The following PAF1 variants were observed in gnomAD, a reference collection of about 807,000 sequenced individuals.
The protein encoded by PAF1 is RNA polymerase II-associated factor 1 homolog.
A neutral mutation model predicts 68.4 loss-of-function variants in PAF1; 31 were observed. That is an observed-to-expected ratio of 0.45 (90% CI 0.34 to 0.61). The LOEUF is 0.61. Ranked by LOEUF, PAF1 falls within the 20% of genes least tolerant of loss-of-function variation. PAF1 has a pLI of 0.01. For missense variants in PAF1, 435 were observed against 692.9 expected (o/e 0.63, Z 4.18); for synonymous variants, 256 against 240.5 (o/e 1.06, Z -0.60).
Position 39,389,043 on chromosome 19 carries a change from G to T in PAF1, c.568-28C>A. On this transcript the variant is annotated intron_variant, in intron 7 of 13. Transcript: ENST00000221265. This position sits in a 1 kb window ranked among gnomAD's most constrained non-coding sequence, Gnocchi z 5.3. Reference sequence around the variant, plus strand: ...GGTGGAACAAAAACAAGGTGAGGAGGAGCTCTGCAGCCGCACCCTTGCCTC... The same window carrying T: ...GGTGGAACAAAAACAAGGTGAGGAGTAGCTCTGCAGCCGCACCCTTGCCTC... 1 of 1,613,370 alleles carries T rather than the reference G, an allele frequency of 6.2e-7. No homozygotes were observed.
In PAF1 at chr19:39,385,859, A is replaced by C; in HGVS notation, c.*132T>G. ...AGGGGCTGGGAGGGGAAGTAAAGAG[A>C]AGTTGACTTTATTAACAGCAAAGGT... On this transcript the variant is annotated 3_prime_UTR_variant, in exon 14 of 14. Transcript: ENST00000221265. 7.5e-7 allele frequency: 1 copy of C among 1,339,226 alleles called. No homozygotes were observed. Among genetic ancestry groups the C allele is most frequent in the Non-Finnish European group, 1.0e-6 (1 of 991,798 alleles). 83.0% of individuals were successfully genotyped at this position (1,339,226 alleles called of 1,614,324 possible).
chr19:39,390,419 G>A, intron 1 of PAF1, 130 bp from the exon 2 acceptor site: 1 of 842,006 alleles, frequency 1.2e-6, no homozygotes, highest in East Asian at 2.7e-5. Context: ...GTGGTGTGGG[G>A]AGTGTCCAAA....
In PAF1 at chr19:39,390,294, T is replaced by G. The variant is rs753327303; in HGVS notation, c.48-5A>C. 1 of 1,610,514 alleles carries G rather than the reference T, an allele frequency of 6.2e-7. No homozygotes were observed. The highest frequency in any genetic ancestry group is 8.5e-7 in the Non-Finnish European group (1 of 1,178,328). ...AGAGTCCGGTGGGAATTGGGCCTAG[T>G]GGAGAAGAAAGAAACAGTGATAGGT... On this transcript the variant is annotated splice_region_variant and splice_polypyrimidine_tract_variant and intron_variant, in intron 1 of 13. Coordinates refer to ENST00000221265, the MANE Select transcript of PAF1 (RefSeq NM_019088.4).
chr19:39,390,877 A>G lies in PAF1; in HGVS notation c.-13T>C. ...TGGTGGGCGCCATAGCGACGAGGCGACGGCAGCCCGGACGGGGTCCTAGCG... is the reference window on the plus strand; with the variant it reads ...TGGTGGGCGCCATAGCGACGAGGCGGCGGCAGCCCGGACGGGGTCCTAGCG... On this transcript the variant is annotated 5_prime_UTR_variant, in exon 1 of 14. Coordinates refer to ENST00000221265, the MANE Select transcript of PAF1 (RefSeq NM_019088.4). 1 of 1,576,372 alleles carries G rather than the reference A, an allele frequency of 6.3e-7. No homozygotes were observed. The highest frequency in any genetic ancestry group is 8.6e-7 in the Non-Finnish European group (1 of 1,160,816).
At chr19:39,387,806 C>T (rs867351535) in intron 11 of PAF1, among the ~76,000 whole-genome samples, 1 of 152,182 alleles carries the variant, frequency 6.6e-6, no homozygotes, top group Non-Finnish European at 1.5e-5. Flanking sequence ...GGAAACTTGG[C>T]CCTCTGCCTT....
Position 39,386,613 on chromosome 19 carries a change from CTGCTGGGTTTTT to C in PAF1, c.1093-53_1093-42del, listed in dbSNP as rs774038758. Reference sequence around the variant, plus strand: ...TTGGAATGAGGGGAAGGAGGGTGTTCTGCTGGGTTTTTGTCCCCCTCCTCACCTACAACCACC... The same window carrying C: ...TTGGAATGAGGGGAAGGAGGGTGTTCGTCCCCCTCCTCACCTACAACCACC... On this transcript the variant is annotated intron_variant, in intron 12 of 13. Coordinates refer to ENST00000221265, the MANE Select transcript of PAF1 (RefSeq NM_019088.4). This position sits in a 1 kb window ranked among gnomAD's most constrained non-coding sequence, Gnocchi z 6.1. The C allele has an allele frequency of 3.7e-6, 6 of 1,609,890 alleles. No homozygotes were observed.
At position 39,386,133 on chromosome 19, in the gene PAF1, C is replaced by T. The variant is rs1296207151; in HGVS notation, c.1454G>A (p.Gly485Asp). The change falls in exon 14 of 14, where the codon GGC becomes GAC. Residue 485 changes from glycine (G) to aspartate (D), a missense_variant. Physicochemically the swap from Gly to Asp is moderately conservative, Grantham distance 94 (BLOSUM62 -1). Coordinates refer to ENST00000221265, the MANE Select transcript of PAF1 (RefSeq NM_019088.4). This position sits in a 1 kb window ranked among gnomAD's most constrained non-coding sequence, Gnocchi z 6.1. ...GCTCCGCTGGCCACCCCCATTGCTGCCGCTGTCTGAATCATTGTCACTGCC... is the reference window on the plus strand; with the variant it reads ...GCTCCGCTGGCCACCCCCATTGCTGTCGCTGTCTGAATCATTGTCACTGCC... ...QGGSDNDSDS[G>D]SNGGGQRSRS... is the part of the protein sequence containing the mutation. 15 of 1,614,014 alleles carry T rather than the reference C, an allele frequency of 9.3e-6. No homozygotes were observed. Among genetic ancestry groups the T allele is most frequent in the East Asian group, 2.2e-5 (1 of 44,900 alleles).
rs1410991435 is a variant in PAF1, at chr19:39,385,680, AAAAC to A, written c.*307_*310del. ...GTCTGGGCTTATTTTGGAAAAAAAAAAAACAAACAAAAAAAACGAATTCTGACCT... is the reference window on the plus strand; with the variant it reads ...GTCTGGGCTTATTTTGGAAAAAAAAAAAACAAAAAAAACGAATTCTGACCT... On this transcript the variant is annotated 3_prime_UTR_variant, in exon 14 of 14. Coordinates refer to ENST00000221265, the MANE Select transcript of PAF1 (RefSeq NM_019088.4). 105 of 537,774 alleles carry A rather than the reference AAAAC, an allele frequency of 2.0e-4. No homozygotes were observed. Among genetic ancestry groups the A allele is most frequent in the East Asian group, 1.5e-3 (52 of 33,778 alleles). The allele number at this position is 537,774 out of a possible 1,614,324, so 33.3% of individuals were successfully genotyped here.
rs745975047 is a variant in PAF1 at position 39,386,620 on chromosome 19, G to A, written c.1093-48C>T. On this transcript the variant is annotated intron_variant, in intron 12 of 13. Transcript: ENST00000221265. The surrounding 1 kb of genome is among the most constrained non-coding windows in gnomAD (Gnocchi z 6.1). Reference sequence around the variant, plus strand: ...GAGGGGAAGGAGGGTGTTCTGCTGGGTTTTTGTCCCCCTCCTCACCTACAA... The same window carrying A: ...GAGGGGAAGGAGGGTGTTCTGCTGGATTTTTGTCCCCCTCCTCACCTACAA... The A allele has an allele frequency of 2.4e-5, 38 of 1,608,292 alleles. No homozygotes were observed. The highest frequency in any genetic ancestry group is 8.3e-5 in the Admixed American group (5 of 59,964).
Position 39,389,099 on chromosome 19 carries a change from C to G in PAF1, c.561G>C (p.Gln187His). Residue 187 changes from glutamine (Q) to histidine (H), a missense_variant, in exon 7 of 14, where the codon CAG becomes CAC. This residue lies in a region of PAF1 where 151 missense variants were observed against 306.3 expected (regional missense o/e 0.49). Transcript: ENST00000221265. The surrounding 1 kb of genome is among the most constrained non-coding windows in gnomAD (Gnocchi z 5.3). Reference protein sequence around the residue: ...TAIEKTFEDAQKSISQHYSKP... With the variant: ...TAIEKTFEDAHKSISQHYSKP... ...ATCCCAGTCCCTCAATTACTGATTT[C>G]TGGGCATCCTCAAAAGTCTTCTCAA... 1 of 1,613,910 alleles carries G rather than the reference C, an allele frequency of 6.2e-7. No homozygotes were observed. The highest frequency in any genetic ancestry group is 8.5e-7 in the Non-Finnish European group (1 of 1,179,770).
rs1444643142 is a variant in PAF1, at chr19:39,388,556, G to A, written c.857+4C>T. On this transcript the variant is annotated splice_donor_region_variant and intron_variant, in intron 10 of 13. Transcript: ENST00000221265. ...TCCCCAAAACTTAACCGCAACCCAC[G>A]CACACATCATCTGGTGCATAGTCCA... The A allele has an allele frequency of 3.1e-6, 5 of 1,613,206 alleles. No homozygotes were observed. Among genetic ancestry groups the A allele is most frequent in the African/African-American group, 1.3e-5 (1 of 74,832 alleles).
rs1568376186 is a variant in PAF1, at chr19:39,390,977, G to T, written c.-113C>A. 4 of 1,088,836 alleles carry T rather than the reference G, an allele frequency of 3.7e-6. No homozygotes were observed. Among genetic ancestry groups the T allele is most frequent in the Non-Finnish European group, 5.2e-6 (4 of 764,296 alleles). 67.4% of individuals were successfully genotyped at this position (1,088,836 alleles called of 1,614,324 possible). ...TCCGAGGAAGGCCCAGCTTGGCGCC[G>T]CTCCCCGCGGAAAGTGGGTTGAGAT... On this transcript the variant is annotated 5_prime_UTR_variant, in exon 1 of 14. Coordinates refer to ENST00000221265, the MANE Select transcript of PAF1 (RefSeq NM_019088.4).
rs1321856098 is a variant in PAF1, at chr19:39,391,059, C to G, written c.-195G>C. 3 of 634,990 alleles carry G rather than the reference C, an allele frequency of 4.7e-6. No homozygotes were observed. Among genetic ancestry groups the G allele is most frequent in the Non-Finnish European group, 8.1e-6 (3 of 370,398 alleles). The allele number at this position is 634,990 out of a possible 1,614,324, so 39.3% of individuals were successfully genotyped here. ...ACTCAGGTGAACGCGCAGGCAGCAC[C>G]GGGGACGGACTCGAAGCTCCGGTTC... On this transcript the variant is annotated 5_prime_UTR_variant, in exon 1 of 14. Transcript: ENST00000221265.
rs777153518 is a variant in PAF1 at position 39,389,340 on chromosome 19, C to CG, written c.402_403insC (p.Glu135ArgfsTer6). On this transcript the variant is annotated frameshift_variant, in exon 6 of 14. Transcript: ENST00000221265. LOFTEE classifies it high-confidence loss of function. The surrounding 1 kb of genome is among the most constrained non-coding windows in gnomAD (Gnocchi z 5.3). ...CGGTTGAACTCAGTGGAGATGTACT[C>CG]TGTCTTTCGCATCCATGGCACCACC... 6.2e-7 allele frequency: 1 copy of CG among 1,614,188 alleles called. No homozygotes were observed. Among genetic ancestry groups the CG allele is most frequent in the East Asian group, 2.2e-5 (1 of 44,884 alleles).
Position 39,390,976 on chromosome 19 carries a change from C to A in PAF1, c.-112G>T, listed in dbSNP as rs544740680. On this transcript the variant is annotated 5_prime_UTR_variant, in exon 1 of 14. Coordinates refer to ENST00000221265, the MANE Select transcript of PAF1 (RefSeq NM_019088.4). Reference sequence around the variant, plus strand: ...ATCCGAGGAAGGCCCAGCTTGGCGCCGCTCCCCGCGGAAAGTGGGTTGAGA... The same window carrying A: ...ATCCGAGGAAGGCCCAGCTTGGCGCAGCTCCCCGCGGAAAGTGGGTTGAGA... 4 of 1,101,004 alleles carry A rather than the reference C, an allele frequency of 3.6e-6. No homozygotes were observed. Among genetic ancestry groups the A allele is most frequent in the Non-Finnish European group, 5.2e-6 (4 of 774,524 alleles). The allele number at this position is 1,101,004 out of a possible 1,614,324, so 68.2% of individuals were successfully genotyped here.
Position 39,388,395 on chromosome 19 carries a change from G to A in PAF1, c.930C>T (p.Asn310=), listed in dbSNP as rs759719350. 3.7e-6 allele frequency: 6 copies of A among 1,613,952 alleles called. No homozygotes were observed. The South Asian group carries it at 6.6e-5, about 18-fold the overall frequency. Residue 310 remains asparagine (N), a synonymous_variant, in exon 11 of 14, where the codon AAC becomes AAT. Coordinates refer to ENST00000221265, the MANE Select transcript of PAF1 (RefSeq NM_019088.4). Reference sequence around the variant, plus strand: ...CACCCTCTCGGAAGATGAAGAAGTAGTTTTCCTCATAGCCCTTGCTAGCTT... The same window carrying A: ...CACCCTCTCGGAAGATGAAGAAGTAATTTTCCTCATAGCCCTTGCTAGCTT... ...KNKASKGYEE[N]YFFIFREGDG...
At chr19:39,388,302 C>T in intron 11 of PAF1, 37 bp downstream of exon 11, 2 of 1,612,046 alleles carry the variant, frequency 1.2e-6, no homozygotes, top group East Asian at 2.2e-5. Flanking sequence ...TTAAGAAGCA[C>T]AGATCCAGGC....
chr19:39,390,377 G>GAAA (rs2078352886), intron 1 of PAF1, 88 bp from the exon 2 acceptor site: 1 of 1,288,688 alleles, frequency 7.8e-7, no homozygotes, highest in Non-Finnish European at 1.1e-6. Flanking sequence ...TCAAAAGGTA[G>GAAA]GAGGGGTGAC....
Position 39,390,827 on chromosome 19 carries a change from T to C in PAF1, c.38A>G (p.Asp13Gly). ...AAAGCGTGGCGCCTACCTGTGGCCA[T>C]CCTCCCGCTGGGCCTGGGTCTGGAT... is the stretch of plus-strand genomic sequence containing the variant. ...PTIQTQAQRE[D>G]GHRPNSHRTL... Residue 13 changes from aspartate to glycine, a missense_variant, in exon 1 of 14, where the codon GAT becomes GGT. By Grantham distance (94) the Asp-to-Gly change is moderately conservative (BLOSUM62 -1). Transcript: ENST00000221265. The C allele has an allele frequency of 6.3e-7, 1 of 1,585,854 alleles. No individual in the cohort carries two copies. The highest frequency in any genetic ancestry group is 8.6e-7 in the Non-Finnish European group (1 of 1,165,852).
Sources: gnomAD v4.1 joint callset for allele counts (sites outside exome capture counted in the v4.1 genomes callset) on GRCh38, gnomAD v4.1.1 for gene constraint, gnomAD v4.1.1 regional missense constraint, Gnocchi (gnomAD v3.1) non-coding constraint, MANE v1.5 for transcripts, NCBI Gene and HGNC (gene_info 2026-07-23, HGNC 2026-07-21) for gene names.